KCNA4: variants seen among roughly 807,000 people sequenced by gnomAD.
KCNA4 encodes the protein cardiac potassium channel.
KCNA4 carries 5 observed loss-of-function variants against 37.2 expected under a neutral mutation model. The observed-to-expected ratio is 0.13, with a 90% CI of 0.07 to 0.28. KCNA4 has a LOEUF of 0.28. KCNA4 is among the 10% of genes least tolerant of loss of function. KCNA4 has a pLI of 1.00. For synonymous variants in KCNA4, 350 were observed against 311.8 expected (o/e 1.12, Z -1.29); for missense variants, 634 against 817.4 (o/e 0.78, Z 2.74).
chr11:30,012,392 T>A lies in KCNA4; in HGVS notation c.287A>T (p.His96Leu). 6.2e-7 allele frequency: 1 copy of A among 1,614,086 alleles called. No homozygotes were observed. Among genetic ancestry groups the A allele is most frequent in the Non-Finnish European group, 8.5e-7 (1 of 1,180,022 alleles). The change falls in exon 2 of 2, where the codon CAC (histidine) becomes CTC (leucine). Residue 96 changes from histidine (H) to leucine (L), a missense_variant. His to Leu is a moderately conservative substitution (Grantham distance 99). This residue lies in a region of KCNA4 where 236 missense variants were observed against 229.5 expected (regional missense o/e 1.03). Transcript: ENST00000328224. ...ATGAGGGAAGCTGCTCTGCCGGTAGTGGGCTTTCTTCTTCTCAGACCGCTG... is the reference window on the plus strand; with the variant it reads ...ATGAGGGAAGCTGCTCTGCCGGTAGAGGGCTTTCTTCTTCTCAGACCGCTG... ...RRQRSEKKKA[H>L]YRQSSFPHCS...
At position 30,016,623 on chromosome 11, in the gene KCNA4, T is replaced by G; in HGVS notation, c.-834A>C. ...AATAAAGAAAATCCACCGGCTGGCT[T>G]GTTTTTCCCCCTCAAGCTGCAACAG... On this transcript the variant is annotated 5_prime_UTR_variant, in exon 1 of 2. Coordinates refer to ENST00000328224, the MANE Select transcript of KCNA4 (RefSeq NM_002233.4). The G allele has an allele frequency of 4.9e-6, 1 of 202,354 alleles. No individual in the cohort carries two copies. Among genetic ancestry groups the G allele is most frequent in the Non-Finnish European group, 9.2e-6 (1 of 109,192 alleles). 12.5% of individuals were successfully genotyped at this position (202,354 alleles called of 1,614,324 possible). A position where few individuals can be genotyped will look rare whatever the true frequency, so the allele number is the denominator to read the frequency against.
Position 30,012,715 on chromosome 11 carries a change from G to C in KCNA4, c.-37C>G. 6.6e-7 allele frequency: 1 copy of C among 1,508,642 alleles called. No homozygotes were observed. Among genetic ancestry groups the C allele is most frequent in the Non-Finnish European group, 8.9e-7 (1 of 1,128,328 alleles). 93.5% of individuals were successfully genotyped at this position (1,508,642 alleles called of 1,614,324 possible). The stretch of plus-strand genomic sequence containing the variant: ...TCGGAAATGGCTGGTTCCAGTTGTA[G>C]AAGAAGAAGAAAGAAAAATAGGGCA... On this transcript the variant is annotated 5_prime_UTR_variant, in exon 2 of 2. Transcript: ENST00000328224.
chr11:30,011,627 A>C lies in KCNA4; in HGVS notation c.1052T>G (p.Leu351Trp), dbSNP rs1300053723. 6.2e-7 allele frequency: 1 copy of C among 1,613,946 alleles called. No homozygotes were observed. Among genetic ancestry groups the C allele is most frequent in the Non-Finnish European group, 8.5e-7 (1 of 1,180,020 alleles). Residue 351 changes from leucine to tryptophan, a missense_variant, in exon 2 of 2, where the codon TTG becomes TGG. Around this residue, in one of 8 missense-constraint regions of KCNA4, gnomAD observed 252 missense variants for 344.2 expected, o/e 0.73. Coordinates refer to ENST00000328224, the MANE Select transcript of KCNA4 (RefSeq NM_002233.4). The surrounding 1 kb of genome is among the most constrained non-coding windows in gnomAD (Gnocchi z 5.6). The part of the protein sequence containing the change: ...ALSAGGHGGL[L>W]NDTSAPHLEN... Reference sequence around the variant, plus strand: ...CAGATGGGGTGCTGAAGTATCATTCAACAACCCACCATGCCCGCCAGCACT... The same window carrying C: ...CAGATGGGGTGCTGAAGTATCATTCCACAACCCACCATGCCCGCCAGCACT...
intron 1 of KCNA4, among the ~76,000 whole-genome samples, chr11:30,015,339 C>G (rs751516765): frequency 9.2e-5 from 14 of 152,132 alleles, no homozygotes; most frequent in Non-Finnish European, 2.1e-4. Flanking sequence ...TCTTCCCCAA[C>G]TCCCCTAAAA....
Position 30,017,027 on chromosome 11 carries a change from C to A in KCNA4, c.-1238G>T. ...CACGCCTCCCCTGGCCGCGAACGCG[C>A]TCTGGGCGGGGGCGGGGCCAGGGCC... On this transcript the variant is annotated 5_prime_UTR_variant, in exon 1 of 2. Coordinates refer to ENST00000328224, the MANE Select transcript of KCNA4 (RefSeq NM_002233.4). The A allele has an allele frequency of 2.5e-6, 1 of 397,650 alleles. No homozygotes were observed. Among genetic ancestry groups the A allele is most frequent in the Non-Finnish European group, 4.4e-6 (1 of 225,416 alleles). 24.6% of individuals were successfully genotyped at this position (397,650 alleles called of 1,614,324 possible).
chr11:30,011,256 T>G lies in KCNA4; in HGVS notation c.1423A>C (p.Met475Leu), dbSNP rs1850300185. 6.2e-7 allele frequency: 1 copy of G among 1,614,144 alleles called. No individual in the cohort carries two copies. ...QILGHTLRAS[M>L]RELGLLIFFL... ...AAGATCAGAAGGCCCAGTTCCCGCA[T>G]GCTGGCTCTGAGGGTGTGGCCCAGG... The change falls in exon 2 of 2, where the codon ATG becomes CTG. Residue 475 changes from methionine (M) to leucine (L), a missense_variant. Physicochemically the swap from Met to Leu is conservative, Grantham distance 15 (BLOSUM62 2). Coordinates refer to ENST00000328224, the MANE Select transcript of KCNA4 (RefSeq NM_002233.4). The surrounding 1 kb of genome is among the most constrained non-coding windows in gnomAD (Gnocchi z 5.6).
Position 30,012,700 on chromosome 11 carries a change from C to T in KCNA4, c.-22G>A. The T allele has an allele frequency of 6.6e-7, 1 of 1,517,470 alleles. No individual in the cohort carries two copies. Among genetic ancestry groups the T allele is most frequent in the Non-Finnish European group, 8.8e-7 (1 of 1,132,638 alleles). The allele number at this position is 1,517,470 out of a possible 1,614,324, so 94.0% of individuals were successfully genotyped here. On this transcript the variant is annotated 5_prime_UTR_variant, in exon 2 of 2. Transcript: ENST00000328224. ...CCATGGTGGTGGTTTTCGGAAATGG[C>T]TGGTTCCAGTTGTAGAAGAAGAAGA...
At chr11:30,014,760 CCT>C (rs2133456407) in intron 1 of KCNA4, among the ~76,000 whole-genome samples, 1 of 152,272 alleles carries the variant, frequency 6.6e-6, no homozygotes, top group South Asian at 2.1e-4. Context: ...ATCCAAATCT[CCT>C]GTCTCCTCTT....
rs562984341 is a variant in KCNA4 at position 30,010,552 on chromosome 11, G to A, written c.*165C>T. The A allele has an allele frequency of 3.0e-6, 3 of 1,007,716 alleles. No individual in the cohort carries two copies. The highest frequency in any genetic ancestry group is 3.3e-5 in the African/African-American group (2 of 60,208). The allele number at this position is 1,007,716 out of a possible 1,614,324, so 62.4% of individuals were successfully genotyped here. ...CTTCTCCAAGATGTATCATTTATTT[G>A]ATATGTAATACAAGTTTAGTAACAA... On this transcript the variant is annotated 3_prime_UTR_variant, in exon 2 of 2. Coordinates refer to ENST00000328224, the MANE Select transcript of KCNA4 (RefSeq NM_002233.4).
chr11:30,011,695 G>A lies in KCNA4; in HGVS notation c.984C>T (p.Thr328=). Residue 328 remains threonine (T), a synonymous_variant, in exon 2 of 2, where the codon ACC becomes ACT. Transcript: ENST00000328224. The surrounding 1 kb of genome is among the most constrained non-coding windows in gnomAD (Gnocchi z 5.6). The stretch of plus-strand genomic sequence containing the variant: ...CCCTGTCGTCCCTAAACTCAGGCAA[G>A]GTTTCCAGGCAAAAGATGACAATGG... ...LISIVIFCLE[T]LPEFRDDRDL... is the part of the protein sequence containing the mutation. The A allele has an allele frequency of 6.2e-7, 1 of 1,614,144 alleles. No homozygotes were observed.
Position 30,012,403 on chromosome 11 carries a change from C to A in KCNA4, c.276G>T (p.Lys92Asn). 6.2e-7 allele frequency: 1 copy of A among 1,614,046 alleles called. No homozygotes were observed. Residue 92 changes from lysine to asparagine, a missense_variant, in exon 2 of 2, where the codon AAG (lysine) becomes AAT (asparagine). This residue lies in a region of KCNA4 where 236 missense variants were observed against 229.5 expected (regional missense o/e 1.03). Transcript: ENST00000328224. The part of the protein sequence containing the change: ...SRRRRRQRSE[K>N]KKAHYRQSSF... ...TGCTCTGCCGGTAGTGGGCTTTCTTCTTCTCAGACCGCTGTCGCCTCCTCC... is the reference window on the plus strand; with the variant it reads ...TGCTCTGCCGGTAGTGGGCTTTCTTATTCTCAGACCGCTGTCGCCTCCTCC...
intron 1 of KCNA4, 38 bp downstream of exon 1, chr11:30,016,534 C>CAAAAAAAAAAAAAAAAAAAAAAAAA (rs139673634): frequency 4.8e-5 from 3 of 62,328 alleles, no homozygotes; most frequent in East Asian, 6.2e-4. Context: ...AGGAAAGATA[C>CAAAAAAAAAAAAAAAAAAAAAAAAA]AAAAAAAAAA....
intron 1 of KCNA4, among the ~76,000 whole-genome samples, chr11:30,015,108 A>C (rs1850339345): frequency 6.6e-6 from 1 of 152,130 alleles, no homozygotes. Flanking sequence ...ATTTGATTGC[A>C]ACACAAACTC....
rs1850312078 is a variant in KCNA4, at chr11:30,012,280, CTCTTCCTCCTCCTCCTCA to C, written c.381_398del (p.Asp127_Glu132del). The C allele has an allele frequency of 2.5e-6, 4 of 1,613,976 alleles. No homozygotes were observed. Among genetic ancestry groups the C allele is most frequent in the Admixed American group, 1.7e-5 (1 of 60,010 alleles). ...AGTAAAACCTTCCCTCCTCTTCCTC[CTCTTCCTCCTCCTCCTCA>C]TCTTCCTCCTCCTCACTCAGCTCCC... On this transcript the variant is annotated inframe_deletion, in exon 2 of 2. Transcript: ENST00000328224.
In KCNA4 at chr11:30,012,280, C is replaced by T. The variant is rs1459737494; in HGVS notation, c.399G>A (p.Glu133=). 1 of 1,614,094 alleles carries T rather than the reference C, an allele frequency of 6.2e-7. No individual in the cohort carries two copies. Among genetic ancestry groups the T allele is most frequent in the South Asian group, 1.1e-5 (1 of 91,080 alleles). Residue 133 remains glutamate (E), a synonymous_variant, in exon 2 of 2, where the codon GAG becomes GAA. Coordinates refer to ENST00000328224, the MANE Select transcript of KCNA4 (RefSeq NM_002233.4). ...AGTAAAACCTTCCCTCCTCTTCCTC[C>T]TCTTCCTCCTCCTCCTCATCTTCCT... ...EEEEDEEEEE[E]EEEEGRFYYS...
rs1165323855 is a variant in KCNA4 at position 30,010,537 on chromosome 11, A to T, written c.*180T>A. 1.0e-6 allele frequency: 1 copy of T among 961,978 alleles called. No individual in the cohort carries two copies. Among genetic ancestry groups the T allele is most frequent in the Non-Finnish European group, 1.4e-6 (1 of 691,128 alleles). The allele number at this position is 961,978 out of a possible 1,614,324, so 59.6% of individuals were successfully genotyped here. A position where few individuals can be genotyped will look rare whatever the true frequency, so the allele number is the denominator to read the frequency against. ...CTCCTATTCCTCCCTCTTCTCCAAG[A>T]TGTATCATTTATTTGATATGTAATA... is the stretch of plus-strand genomic sequence containing the variant. On this transcript the variant is annotated 3_prime_UTR_variant, in exon 2 of 2. Transcript: ENST00000328224.
rs1850318604 is a variant in KCNA4 at position 30,012,683 on chromosome 11, G to A, written c.-5C>T. On this transcript the variant is annotated 5_prime_UTR_variant, in exon 2 of 2. Coordinates refer to ENST00000328224, the MANE Select transcript of KCNA4 (RefSeq NM_002233.4). Reference sequence around the variant, plus strand: ...ACTCACCATTGCAACCTCCATGGTGGTGGTTTTCGGAAATGGCTGGTTCCA... The same window carrying A: ...ACTCACCATTGCAACCTCCATGGTGATGGTTTTCGGAAATGGCTGGTTCCA... The A allele has an allele frequency of 1.3e-6, 2 of 1,525,022 alleles. No individual in the cohort carries two copies. Among genetic ancestry groups the A allele is most frequent in the Admixed American group, 2.2e-5 (1 of 44,816 alleles). The allele number at this position is 1,525,022 out of a possible 1,614,324, so 94.5% of individuals were successfully genotyped here.
intron 1 of KCNA4, chr11:30,016,212 G>A (rs1418225207): frequency 6.6e-6 from 1 of 152,012 alleles, no homozygotes; most frequent in Non-Finnish European, 1.5e-5. Flanking sequence ...GAACCGGTGC[G>A]GCTGGGAGGA....
In KCNA4 at chr11:30,010,561, T is replaced by C. The variant is rs949707568; in HGVS notation, c.*156A>G. On this transcript the variant is annotated 3_prime_UTR_variant, in exon 2 of 2. Coordinates refer to ENST00000328224, the MANE Select transcript of KCNA4 (RefSeq NM_002233.4). Reference sequence around the variant, plus strand: ...GATGTATCATTTATTTGATATGTAATACAAGTTTAGTAACAATTATGCCAT... The same window carrying C: ...GATGTATCATTTATTTGATATGTAACACAAGTTTAGTAACAATTATGCCAT... 22 of 1,093,990 alleles carry C rather than the reference T, an allele frequency of 2.0e-5. No individual in the cohort carries two copies. In the African/African-American group the frequency reaches 3.4e-4, roughly 17 times the overall value. The allele number at this position is 1,093,990 out of a possible 1,614,324, so 67.8% of individuals were successfully genotyped here. A position where few individuals can be genotyped will look rare whatever the true frequency, so the allele number is the denominator to read the frequency against.
Sources: allele counts gnomAD v4.1 joint callset (sites outside exome capture counted in the v4.1 genomes callset), GRCh38; gene constraint gnomAD v4.1.1; regional missense constraint gnomAD v4.1.1; non-coding constraint Gnocchi (gnomAD v3.1); transcripts MANE v1.5; gene names NCBI Gene and HGNC (gene_info 2026-07-23, HGNC 2026-07-21).